Variants in PHF2 observed in about 807,000 individuals in gnomAD.
PHF2 encodes lysine-specific demethylase PHF2.
Under a neutral mutation model 120.5 loss-of-function variants are expected in PHF2, and 27 were observed. That is an observed-to-expected ratio of 0.22 (90% CI 0.17 to 0.31). PHF2 has a LOEUF of 0.31. Ranked by LOEUF, PHF2 falls within the 10% of genes least tolerant of loss-of-function variation. PHF2 has a pLI of 1.00. For missense variants in PHF2, 1,024 were observed against 1,434.8 expected, an observed-to-expected ratio of 0.71 and a Z score of 4.63; for synonymous variants, 568 against 592.5, an observed-to-expected ratio of 0.96 and a Z score of 0.60.
At position 93,665,709 on chromosome 9, in the gene PHF2, C is replaced by T. The variant is rs1348842710; in HGVS notation, c.1961C>T (p.Thr654Met). 4.3e-6 allele frequency: 7 copies of T among 1,613,776 alleles called. No individual in the cohort carries two copies. The highest frequency in any genetic ancestry group is 1.7e-5 in the Admixed American group (1 of 60,010). Residue 654 changes from threonine to methionine, a missense_variant, in exon 15 of 22, where the codon ACG becomes ATG. Transcript: ENST00000359246. ...AGCTCCAAGGCTCTCAGGCCCCCGA[C>T]GAGCCCTGGTGTGTTCGGGGCCTTG... ...LLGSKALRPPTSPGVFGALQN... is the reference protein window; with the variant it reads ...LLGSKALRPPMSPGVFGALQN...
intron 12 of PHF2, among the ~76,000 whole-genome samples, chr9:93,661,904 G>A (rs1219145446): frequency 1.3e-5 from 2 of 151,154 alleles, no homozygotes; most frequent in African/African-American, 2.4e-5. Flanking sequence ...TGGATGGGTA[G>A]ATGGATAGAT....
At chr9:93,658,508 A>C (rs1826500697) in intron 10 of PHF2, among the ~76,000 whole-genome samples, 1 of 152,162 alleles carries the variant, frequency 6.6e-6, no homozygotes, top group South Asian at 2.1e-4. Flanking sequence ...AGGGGCTCAC[A>C]GCTTAGTCAC....
At position 93,576,668 on chromosome 9, in the gene PHF2, T is replaced by TGAGCCCCGCCGCCC. The variant is rs1564368695; in HGVS notation, c.-105_-104insAGCCCCGCCGCCCG. 1 of 181,104 alleles carries TGAGCCCCGCCGCCC rather than the reference T, an allele frequency of 5.5e-6. No individual in the cohort carries two copies. Among genetic ancestry groups the TGAGCCCCGCCGCCC allele is most frequent in the Non-Finnish European group, 9.9e-6 (1 of 101,144 alleles). The allele number at this position is 181,104 out of a possible 1,614,324, so 11.2% of individuals were successfully genotyped here. A position where few individuals can be genotyped will look rare whatever the true frequency, so the allele number is the denominator to read the frequency against. ...GTCCCCTCCCGGCCGCGGCGCCGCCTGCGCCCCGCCGCCCCCGCCGCCCCC... is the reference window on the plus strand; with the variant it reads ...GTCCCCTCCCGGCCGCGGCGCCGCCTGAGCCCCGCCGCCCGCGCCCCGCCGCCCCCGCCGCCCCC... On this transcript the variant is annotated 5_prime_UTR_variant, in exon 1 of 22. Transcript: ENST00000359246.
chr9:93,669,610 T>A (rs920547991), intron 17 of PHF2, among the ~76,000 whole-genome samples: 14 of 152,320 alleles, frequency 9.2e-5, no homozygotes, highest in Admixed American at 5.9e-4. Context: ...GTGGCATTGG[T>A]GAGGGCTGCA....
intron 1 of PHF2, among the ~76,000 whole-genome samples, chr9:93,588,074 C>G (rs143568809): frequency 1.3e-5 from 2 of 152,248 alleles, no homozygotes; most frequent in Admixed American, 6.5e-5. Context: ...CCTGGACTGT[C>G]GTGTGTCTGT....
chr9:93,646,836 G>A (rs1313283420), intron 4 of PHF2, among the ~76,000 whole-genome samples: 1 of 152,152 alleles, frequency 6.6e-6, no homozygotes, highest in Non-Finnish European at 1.5e-5. Flanking sequence ...CAGACATCTC[G>A]GAAGAGGGGC....
chr9:93,584,160 G>A (rs560078132), intron 1 of PHF2, among the ~76,000 whole-genome samples: 2 of 152,278 alleles, frequency 1.3e-5, no homozygotes, highest in South Asian at 4.1e-4. Flanking sequence ...TACATGAGTT[G>A]CAAATACATT....
chr9:93,614,268 G>C (rs1210177424), intron 1 of PHF2, among the ~76,000 whole-genome samples: 1 of 152,216 alleles, frequency 6.6e-6, no homozygotes, highest in Non-Finnish European at 1.5e-5. Flanking sequence ...CAGGAGCAGG[G>C]CATTTTCCAG....
intron 1 of PHF2, among the ~76,000 whole-genome samples, chr9:93,618,927 TGA>T (rs1237697841): frequency 1.3e-5 from 2 of 152,070 alleles, no homozygotes; most frequent in Non-Finnish European, 2.9e-5. Context: ...GTGTGGTGTG[TGA>T]GTTTGTATGT....
chr9:93,642,100 G>A (rs1826181458), intron 3 of PHF2, among the ~76,000 whole-genome samples: 1 of 152,184 alleles, frequency 6.6e-6, no homozygotes, highest in Non-Finnish European at 1.5e-5. Flanking sequence ...GGGTGTTAAG[G>A]ATTTATTTCT....
At chr9:93,647,524 C>G (rs1266248461) in intron 4 of PHF2, among the ~76,000 whole-genome samples, 3 of 152,220 alleles carry the variant, frequency 2.0e-5, no homozygotes, top group African/African-American at 7.2e-5. Context: ...GCACTCAGCA[C>G]CAGAAACAAA....
chr9:93,632,185 C>T (rs1252462070), intron 2 of PHF2, among the ~76,000 whole-genome samples: 4 of 152,206 alleles, frequency 2.6e-5, no homozygotes, highest in Non-Finnish European at 5.9e-5. Flanking sequence ...TCCCAACCTG[C>T]CCTTGATTGC....
In PHF2 at chr9:93,629,979, G is replaced by T. The variant is rs200825762; in HGVS notation, c.108G>T (p.Gly36=). Residue 36 remains glycine, a synonymous_variant, in exon 2 of 22, where the codon GGG becomes GGT. Transcript: ENST00000359246. ...CKDWFHGSCV[G]VEEEEAPDID... is the part of the protein sequence containing the mutation. The stretch of plus-strand genomic sequence containing the variant: ...TTTCGTCTCGTTTCAGCTGTGTTGG[G>T]GTGGAAGAGGAGGAGGCGCCCGACA... The T allele has an allele frequency of 6.2e-7, 1 of 1,614,172 alleles. No homozygotes were observed. The highest frequency in any genetic ancestry group is 8.5e-7 in the Non-Finnish European group (1 of 1,180,026).
intron 1 of PHF2, among the ~76,000 whole-genome samples, chr9:93,627,269 C>A (rs1349063963): frequency 6.6e-6 from 1 of 152,012 alleles, no homozygotes; most frequent in Non-Finnish European, 1.5e-5. Flanking sequence ...ATGGTAATTG[C>A]TTTCTTGATT....
chr9:93,660,294 G>T lies in PHF2; in HGVS notation c.1432G>T (p.Ala478Ser). ...EKEEPPSPIE[A>S]TPPQSLLEKV... ...GGAGGAGCCCCCGTCTCCCATTGAG[G>T]CCACCCCGCCTCAATCCCTCCTGGA... The change falls in exon 12 of 22, where the codon GCC (alanine) becomes TCC (serine). Residue 478 changes from alanine (A) to serine (S), a missense_variant. By Grantham distance (99) the Ala-to-Ser change is moderately conservative (BLOSUM62 1). Around this residue, in one of 2 missense-constraint regions of PHF2, gnomAD observed 677 missense variants for 857.4 expected, o/e 0.79. Coordinates refer to ENST00000359246, the MANE Select transcript of PHF2 (RefSeq NM_005392.4). 2 of 1,609,616 alleles carry T rather than the reference G, an allele frequency of 1.2e-6. No homozygotes were observed. The highest frequency in any genetic ancestry group is 2.2e-5 in the East Asian group (1 of 44,766).
intron 1 of PHF2, among the ~76,000 whole-genome samples, chr9:93,580,280 C>G (rs1026859421): frequency 3.3e-5 from 5 of 152,206 alleles, no homozygotes; most frequent in African/African-American, 1.2e-4. Context: ...ATTTTTGTGG[C>G]AGGACCTGGC....
At chr9:93,618,452 C>G (rs1242672567) in intron 1 of PHF2, among the ~76,000 whole-genome samples, 3 of 152,244 alleles carry the variant, frequency 2.0e-5, no homozygotes, top group African/African-American at 7.2e-5. Flanking sequence ...AACGGGCATA[C>G]AAGCACACAC....
intron 1 of PHF2, among the ~76,000 whole-genome samples, chr9:93,580,296 G>A (rs951200916): frequency 6.6e-6 from 1 of 152,236 alleles, no homozygotes; most frequent in Non-Finnish European, 1.5e-5. Context: ...CTGGCAGGAG[G>A]CCGCTGGAGG....
chr9:93,613,474 T>C (rs1825671114), intron 1 of PHF2, among the ~76,000 whole-genome samples: 1 of 151,754 alleles, frequency 6.6e-6, no homozygotes, highest in Non-Finnish European at 1.5e-5. Context: ...TCTGCTGCAG[T>C]GGTGCCCAGG....
Sources: allele counts gnomAD v4.1 joint callset (sites outside exome capture counted in the v4.1 genomes callset), GRCh38; gene constraint gnomAD v4.1.1; regional missense constraint gnomAD v4.1.1; transcripts MANE v1.5; gene names NCBI Gene and HGNC (gene_info 2026-07-23, HGNC 2026-07-21).